IL5: variants seen among roughly 807,000 people sequenced by gnomAD.
The protein encoded by IL5 is interleukin-5.
A neutral mutation model predicts 16.3 loss-of-function variants in IL5; 12 were observed. That is an observed-to-expected ratio of 0.74 (90% CI 0.47 to 1.20). IL5 has a LOEUF of 1.20. Ranked by LOEUF, IL5 falls within the 50% of genes most tolerant of loss-of-function variation. The pLI is 0.00. For missense variants in IL5, 159 were observed against 153.9 expected, an observed-to-expected ratio of 1.03 and a Z score of -0.17; for synonymous variants, 54 against 56.6, an observed-to-expected ratio of 0.95 and a Z score of 0.21.
At chr5:132,542,844 G>C (rs1749719523) in intron 2 of IL5, among the ~76,000 whole-genome samples, 1 of 152,150 alleles carries the variant, frequency 6.6e-6, no homozygotes, top group Non-Finnish European at 1.5e-5. Context: ...CTTCTGGAAA[G>C]AATCCCTGAC....
intron 1 of IL5, among the ~76,000 whole-genome samples, chr5:132,550,812 C>A (rs1174891957): frequency 1.3e-5 from 2 of 152,124 alleles, no homozygotes; most frequent in Non-Finnish European, 2.9e-5. Context: ...GACGCAGAAG[C>A]AGTGGGAATC....
upstream of IL5, among the ~76,000 whole-genome samples, chr5:132,546,526 A>T (rs746567711): frequency 1.3e-5 from 2 of 152,164 alleles, no homozygotes; most frequent in African/African-American, 2.4e-5. Flanking sequence ...TGTCTATACC[A>T]TGTTTTGTTT....
upstream of IL5, among the ~76,000 whole-genome samples, chr5:132,545,911 C>T (rs977123574): frequency 6.6e-6 from 1 of 152,018 alleles, no homozygotes; most frequent in Admixed American, 6.6e-5. Context: ...GAGAGTGAGA[C>T]TGTCTCAAAA....
chr5:132,549,881 AT>A (rs552802272), intron 1 of IL5, among the ~76,000 whole-genome samples: 1 of 152,108 alleles, frequency 6.6e-6, no homozygotes, highest in South Asian at 2.1e-4. Flanking sequence ...CTTTAATATG[AT>A]TTTTTAATTG....
intron 1 of IL5, among the ~76,000 whole-genome samples, chr5:132,548,596 A>C (rs1188680434): frequency 6.6e-6 from 1 of 152,186 alleles, no homozygotes; most frequent in Non-Finnish European, 1.5e-5. Flanking sequence ...TCACATCCCA[A>C]AGATGTGCAC....
chr5:132,547,116 T>C (rs1749807331), upstream of IL5, among the ~76,000 whole-genome samples: 2 of 152,214 alleles, frequency 1.3e-5, no homozygotes, highest in African/African-American at 4.8e-5. Context: ...ATAATGTATG[T>C]AGCTACTACA....
intron 1 of IL5, among the ~76,000 whole-genome samples, chr5:132,554,348 C>G (rs1170995488): frequency 2.7e-5 from 3 of 112,898 alleles, no homozygotes; most frequent in Non-Finnish European, 5.0e-5. Context: ...GTCTGGGTGA[C>G]AGAGTGAGAC....
At chr5:132,544,227 T>G (rs1171820678), upstream of IL5, among the ~76,000 whole-genome samples, 3 of 152,252 alleles carry the variant, frequency 2.0e-5, no homozygotes, top group African/African-American at 2.4e-5. Flanking sequence ...TGGATCTATA[T>G]GTATTCTGTT....
upstream of IL5, among the ~76,000 whole-genome samples, chr5:132,548,029 A>T (rs1268259685): frequency 6.6e-6 from 1 of 152,222 alleles, no homozygotes; most frequent in African/African-American, 2.4e-5. Context: ...AGATAGCGCC[A>T]CTGCACTCTA....
At chr5:132,543,033 G>A (rs373235478) in intron 2 of IL5, 61 bp downstream of exon 2, 13 of 1,258,946 alleles carry the variant, frequency 1.0e-5, no homozygotes, top group African/African-American at 1.5e-5. Flanking sequence ...ATGATTTACA[G>A]CTTAAAACAG....
chr5:132,556,308 C>T (rs923316037), intron 1 of IL5: 2 of 152,176 alleles, frequency 1.3e-5, no homozygotes, highest in African/African-American at 4.8e-5. Flanking sequence ...AGACAGGTAA[C>T]TTCTCTTTCC....
intron 1 of IL5, among the ~76,000 whole-genome samples, chr5:132,554,699 C>T (rs896652819): frequency 6.6e-6 from 1 of 152,148 alleles, no homozygotes; most frequent in East Asian, 1.9e-4. Flanking sequence ...TGGGTATATA[C>T]CCAAAAGAAT....
intron 1 of IL5, among the ~76,000 whole-genome samples, chr5:132,549,723 T>G (rs1749852820): frequency 6.6e-6 from 1 of 152,228 alleles, no homozygotes; most frequent in East Asian, 1.9e-4. Context: ...GTTTTTACTG[T>G]GTAGTCCTTA....
chr5:132,553,764 G>A (rs948580731), intron 1 of IL5, among the ~76,000 whole-genome samples: 1 of 151,622 alleles, frequency 6.6e-6, no homozygotes, highest in Non-Finnish European at 1.5e-5. Flanking sequence ...GTGAAACCCC[G>A]TCTCTACTAA....
At chr5:132,552,639 C>G (rs1166761124) in intron 1 of IL5, among the ~76,000 whole-genome samples, 1 of 152,124 alleles carries the variant, frequency 6.6e-6, no homozygotes, top group East Asian at 1.9e-4. Context: ...TTACAGACAA[C>G]ATGACACACT....
chr5:132,545,328 C>G (rs1394853797), upstream of IL5, among the ~76,000 whole-genome samples: 4 of 152,016 alleles, frequency 2.6e-5, no homozygotes, highest in African/African-American at 9.7e-5. Context: ...ATTTTAGTAC[C>G]TTAAATACAC....
chr5:132,545,029 C>T (rs562750975), upstream of IL5, among the ~76,000 whole-genome samples: 3 of 152,150 alleles, frequency 2.0e-5, no homozygotes, highest in Non-Finnish European at 4.4e-5. Flanking sequence ...GTCTGATTTG[C>T]GCACTTGAGA....
chr5:132,549,146 C>G (rs984759052), intron 1 of IL5, among the ~76,000 whole-genome samples: 3 of 152,198 alleles, frequency 2.0e-5, no homozygotes, highest in Admixed American at 2.0e-4. Context: ...ACCTCCGCCT[C>G]CCAGGTTCAA....
intron 1 of IL5, chr5:132,556,615 A>G (rs757522145): frequency 3.7e-6 from 4 of 1,084,416 alleles, no homozygotes; most frequent in Non-Finnish European, 4.7e-6. Context: ...GGAAATTACT[A>G]CACGAACGTT....
Sources: gnomAD v4.1 joint callset for allele counts (sites outside exome capture counted in the v4.1 genomes callset) on GRCh38, gnomAD v4.1.1 for gene constraint, MANE v1.5 for transcripts, NCBI Gene and HGNC (gene_info 2026-07-23, HGNC 2026-07-21) for gene names.